MDN1: variants seen among roughly 807,000 people sequenced by gnomAD.
MDN1 encodes the protein midasin AAA ATPase 1, also known as midasin.
A neutral mutation model predicts 669.2 loss-of-function variants in MDN1; 266 were observed. The ratio of observed to expected loss-of-function variants is 0.40; its 90% CI spans 0.36 to 0.44. MDN1 has a LOEUF of 0.44. Among genes scored for constraint, MDN1 ranks in the 20% least tolerant of loss-of-function variants. The probability of loss-of-function intolerance (pLI) is 1.00; values close to 1 mark genes in which losing one functional copy is unlikely to be tolerated. For synonymous variants in MDN1, 2,385 were observed against 2,457.1 expected (o/e 0.97, Z 0.87); for missense variants, 5,940 against 6,754.0 (o/e 0.88, Z 4.22).
chr6:89,670,164 ATATATATTTTTTT>A lies in MDN1; in HGVS notation c.13956+742_13956+754del, dbSNP rs1464360076. Among the ~76,000 whole-genome samples the A allele has an allele frequency of 2.4e-3, 43 of 18,256 alleles. No individual in the cohort carries two copies. In the South Asian group the frequency reaches 0.073, roughly 31 times the overall value. The allele number at this position is 18,256 out of a possible 152,430, so 12.0% of individuals were successfully genotyped here. A position where few individuals can be genotyped will look rare whatever the true frequency, so the allele number is the denominator to read the frequency against. On this transcript the variant is annotated intron_variant, in intron 83 of 101. Transcript: ENST00000369393. ...CATATATATATATATATATATATAT[ATATATATTTTTTT>A]TTTTTTTTTTTTTGAGATGCAGTTT...
At chr6:89,743,533 T>C (rs756028798) in intron 30 of MDN1, 43 bp downstream of exon 30, 6 of 1,594,110 alleles carry the variant, frequency 3.8e-6, no homozygotes, top group Non-Finnish European at 2.6e-6. Context: ...CACAGCTAAC[T>C]GCAGTTTTTT....
chr6:89,786,783 C>T (rs1318339232), intron 8 of MDN1, among the ~76,000 whole-genome samples: 2 of 151,202 alleles, frequency 1.3e-5, no homozygotes, highest in African/African-American at 2.4e-5. Flanking sequence ...AAAATTAGCC[C>T]GTGTGGTGGC....
chr6:89,734,487 T>A (rs1297178798), intron 33 of MDN1, among the ~76,000 whole-genome samples: 1 of 151,768 alleles, frequency 6.6e-6, no homozygotes, highest in Non-Finnish European at 1.5e-5. Flanking sequence ...ACCCTGTATC[T>A]ACAAAATACA....
At chr6:89,764,877 A>C (rs1817727974) in intron 15 of MDN1, among the ~76,000 whole-genome samples, 1 of 152,208 alleles carries the variant, frequency 6.6e-6, no homozygotes, top group Non-Finnish European at 1.5e-5. Context: ...TTTTATCCTA[A>C]ATGGACTGAG....
intron 20 of MDN1, among the ~76,000 whole-genome samples, chr6:89,755,533 T>C (rs758894481): frequency 6.6e-6 from 1 of 152,188 alleles, no homozygotes; most frequent in Non-Finnish European, 1.5e-5. Flanking sequence ...TTGTCTGCCT[T>C]ACTCATAGCT....
At chr6:89,653,243 T>G (rs1809006060) in intron 93 of MDN1, 88 bp from the exon 94 acceptor site, 3 of 1,267,684 alleles carry the variant, frequency 2.4e-6, no homozygotes, top group Admixed American at 4.6e-5. Flanking sequence ...TCCTGAAAAT[T>G]AATCAAACTT....
chr6:89,667,929 G>C, intron 84 of MDN1, 85 bp downstream of exon 84: 2 of 1,542,496 alleles, frequency 1.3e-6, no homozygotes, highest in Non-Finnish European at 1.8e-6. Flanking sequence ...TATTAACCTA[G>C]TAAAAACCAT....
rs750809229 is a variant in MDN1 at position 89,712,776 on chromosome 6, G to A, written c.7229C>T (p.Ala2410Val). Residue 2410 changes from alanine (A) to valine (V), a missense_variant, in exon 48 of 102, where the codon GCT becomes GTT. Physicochemically the swap from Ala to Val is moderately conservative, Grantham distance 64 (BLOSUM62 0). Around this residue, in one of 5 missense-constraint regions of MDN1, gnomAD observed 2,292 missense variants for 2,638.3 expected, o/e 0.87. Coordinates refer to ENST00000369393, the MANE Select transcript of MDN1 (RefSeq NM_014611.3). ...HSPANRKLVQ[A>V]LLEKHVSSLR... Reference sequence around the variant, plus strand: ...AGAAGAAACATGTTTCTCCAGTAAAGCCTGTACAAGCTGGTAGGAGACAAA... The same window carrying A: ...AGAAGAAACATGTTTCTCCAGTAAAACCTGTACAAGCTGGTAGGAGACAAA... 1 of 1,614,030 alleles carries A rather than the reference G, an allele frequency of 6.2e-7. No homozygotes were observed. The highest frequency in any genetic ancestry group is 1.1e-5 in the South Asian group (1 of 91,072).
rs1446681272 is a variant in MDN1, at chr6:89,661,424, G to C, written c.14713+7C>G. On this transcript the variant is annotated splice_region_variant and intron_variant, in intron 88 of 101. Coordinates refer to ENST00000369393, the MANE Select transcript of MDN1 (RefSeq NM_014611.3). The stretch of plus-strand genomic sequence containing the variant: ...CTAACCGGTCTCTTTGTTTCTGAAA[G>C]ACGCACCTTCTCCTTCTTCATTGTC... 1.2e-6 allele frequency: 2 copies of C among 1,608,772 alleles called. No homozygotes were observed. The highest frequency in any genetic ancestry group is 1.7e-5 in the Admixed American group (1 of 58,596).
At chr6:89,780,330 A>C (rs1373221035) in intron 10 of MDN1, 37 bp from the exon 11 acceptor site, 2 of 1,387,194 alleles carry the variant, frequency 1.4e-6, no homozygotes, top group Non-Finnish European at 2.0e-6. Flanking sequence ...AACAAAGAAA[A>C]GACCACAGGC....
Position 89,780,436 on chromosome 6 carries a change from TATTTGGGA to T in MDN1, c.1644-151_1644-144del, listed in dbSNP as rs1818610310. ...CTTCTGACAATGCTTAGATAAAAGG[TATTTGGGA>T]AACCAGTAAGGGTTCTCAATCCTTC... On this transcript the variant is annotated intron_variant, in intron 10 of 101. Coordinates refer to ENST00000369393, the MANE Select transcript of MDN1 (RefSeq NM_014611.3). 8 of 460,528 alleles carry T rather than the reference TATTTGGGA, an allele frequency of 1.7e-5. No homozygotes were observed. In the South Asian group the frequency reaches 5.0e-4, roughly 29 times the overall value. The allele number at this position is 460,528 out of a possible 1,614,324, so 28.5% of individuals were successfully genotyped here. A position where few individuals can be genotyped will look rare whatever the true frequency, so the allele number is the denominator to read the frequency against.
At chr6:89,788,000 T>C (rs769425892) in intron 7 of MDN1, 43 bp from the exon 8 acceptor site, 1 of 1,490,582 alleles carries the variant, frequency 6.7e-7, no homozygotes, top group Middle Eastern at 1.7e-4. Flanking sequence ...GTAAAGCTAT[T>C]AAGACAGAAA....
chr6:89,794,963 C>T (rs774118947), intron 2 of MDN1, among the ~76,000 whole-genome samples, 162 bp from the exon 3 acceptor site: 4 of 152,208 alleles, frequency 2.6e-5, no homozygotes, highest in Admixed American at 6.5e-5. Flanking sequence ...TATCATAGAA[C>T]GCAATTCTCT....
At chr6:89,651,339 A>AAAAAAG (rs1562034073) in intron 95 of MDN1, among the ~76,000 whole-genome samples, 2 of 149,144 alleles carry the variant, frequency 1.3e-5, no homozygotes, top group Admixed American at 6.7e-5. Context: ...AAAAAAAAAA[A>AAAAAAG]AAAAAGAAAA....
At chr6:89,804,954 T>C (rs1475566413) in intron 1 of MDN1, among the ~76,000 whole-genome samples, 1 of 138,414 alleles carries the variant, frequency 7.2e-6, no homozygotes, top group East Asian at 2.1e-4. Flanking sequence ...TAGAATGGTG[T>C]GAACCCCGGG....
Position 89,738,388 on chromosome 6 carries a change from A to G in MDN1, c.4661T>C (p.Leu1554Ser). Residue 1554 changes from leucine (L) to serine (S), a missense_variant, in exon 33 of 102, where the codon TTA becomes TCA. Leu to Ser is a moderately radical substitution (Grantham distance 145, BLOSUM62 -2). Around this residue, in one of 5 missense-constraint regions of MDN1, gnomAD observed 2,292 missense variants for 2,638.3 expected, o/e 0.87. Transcript: ENST00000369393. ...WCPQSTSRED[L>S]IQIISHNLRP... Reference sequence around the variant, plus strand: ...AAGATTATGACTGATGATCTGAATTAAATCTTCACGGCTTGTGCTTTGAGG... The same window carrying G: ...AAGATTATGACTGATGATCTGAATTGAATCTTCACGGCTTGTGCTTTGAGG... 5 of 1,613,976 alleles carry G rather than the reference A, an allele frequency of 3.1e-6. No individual in the cohort carries two copies. The highest frequency in any genetic ancestry group is 4.2e-6 in the Non-Finnish European group (5 of 1,179,854).
At chr6:89,729,653 GGAA>G (rs1428202039) in intron 35 of MDN1, among the ~76,000 whole-genome samples, 1 of 149,852 alleles carries the variant, frequency 6.7e-6, no homozygotes, top group African/African-American at 2.4e-5. Context: ...ACTGTCTCTT[GGAA>G]GAAGTTTTTG....
At chr6:89,792,263 CT>C (rs1819311262) in intron 5 of MDN1, among the ~76,000 whole-genome samples, 1 of 152,118 alleles carries the variant, frequency 6.6e-6, no homozygotes, top group East Asian at 1.9e-4. Context: ...TCAAATATGG[CT>C]GGTTCCCTAA....
At position 89,695,536 on chromosome 6, in the gene MDN1, G is replaced by A; in HGVS notation, c.9771+69C>T. 6.6e-7 allele frequency: 1 copy of A among 1,511,196 alleles called. No individual in the cohort carries two copies. The highest frequency in any genetic ancestry group is 8.9e-7 in the Non-Finnish European group (1 of 1,124,726). The allele number at this position is 1,511,196 out of a possible 1,614,324, so 93.6% of individuals were successfully genotyped here. A position where few individuals can be genotyped will look rare whatever the true frequency, so the allele number is the denominator to read the frequency against. ...CTGAGCACCCAAAAGGGAATAAAAG[G>A]AGTAATACAATAAGCAAACCCAGCA... On this transcript the variant is annotated intron_variant, in intron 61 of 101. Coordinates refer to ENST00000369393, the MANE Select transcript of MDN1 (RefSeq NM_014611.3). This position sits in a 1 kb window ranked among gnomAD's most constrained non-coding sequence, Gnocchi z 4.1.
Sources: gnomAD v4.1 joint callset for allele counts (sites outside exome capture counted in the v4.1 genomes callset) on GRCh38, gnomAD v4.1.1 for gene constraint, gnomAD v4.1.1 regional missense constraint, Gnocchi (gnomAD v3.1) non-coding constraint, MANE v1.5 for transcripts, NCBI Gene and HGNC (gene_info 2026-07-23, HGNC 2026-07-21) for gene names.